LMBR1: variants seen among roughly 807,000 people sequenced by gnomAD.
LMBR1 encodes the protein limb development membrane protein 1, also known as limb region 1 protein homolog.
Under a neutral mutation model 73.9 loss-of-function variants are expected in LMBR1, and 52 were observed. The ratio of observed to expected loss-of-function variants is 0.70; its 90% CI spans 0.56 to 0.89. The LOEUF (loss-of-function observed/expected upper bound fraction) is 0.89. Ranked by LOEUF, LMBR1 falls within the 40% of genes least tolerant of loss-of-function variation. LMBR1 has a pLI of 0.00. For synonymous variants in LMBR1, 215 were observed against 209.4 expected (o/e 1.03, Z -0.23); for missense variants, 539 against 579.8 (o/e 0.93, Z 0.72).
At chr7:156,805,506 G>A (rs571712588) in intron 4 of LMBR1, among the ~76,000 whole-genome samples, 6 of 152,240 alleles carry the variant, frequency 3.9e-5, no homozygotes, top group South Asian at 2.1e-4. Flanking sequence ...ATAAGCCACC[G>A]TGCCCAGCCA....
chr7:156,781,573 A>G (rs1357997878), intron 5 of LMBR1, among the ~76,000 whole-genome samples: 2 of 152,180 alleles, frequency 1.3e-5, no homozygotes, highest in Admixed American at 6.6e-5. Flanking sequence ...TTTATGTATC[A>G]GCCTCTGTTT....
Position 156,682,027 on chromosome 7 carries a change from TG to T in LMBR1, c.*2050del, listed in dbSNP as rs1296283446. ...CAGCCCAAGGCTGTAACAATCTATT[TG>T]TTCTCAAGGCATATGAGTCCCAGGT... is the stretch of plus-strand genomic sequence containing the variant. On this transcript the variant is annotated 3_prime_UTR_variant, in exon 17 of 17. Transcript: ENST00000353442. 2 of 152,262 alleles carry T rather than the reference TG, an allele frequency of 1.3e-5. No individual in the cohort carries two copies. The highest frequency in any genetic ancestry group is 2.9e-5 in the Non-Finnish European group (2 of 68,062). The allele number at this position is 152,262 out of a possible 1,614,324, so 9.4% of individuals were successfully genotyped here. A position where few individuals can be genotyped will look rare whatever the true frequency, so the allele number is the denominator to read the frequency against.
In LMBR1 at chr7:156,756,415, T is replaced by A. The variant is rs757169155; in HGVS notation, c.735A>T (p.Glu245Asp). The A allele has an allele frequency of 1.3e-6, 2 of 1,501,022 alleles. No individual in the cohort carries two copies. The highest frequency in any genetic ancestry group is 9.2e-7 in the Non-Finnish European group (1 of 1,085,020). The allele number at this position is 1,501,022 out of a possible 1,614,324, so 93.0% of individuals were successfully genotyped here. The change falls in exon 9 of 17, where the codon GAA becomes GAT. Residue 245 changes from glutamate (E) to aspartate (D), a missense_variant. Glu to Asp is a conservative substitution (Grantham distance 45). Coordinates refer to ENST00000353442, the MANE Select transcript of LMBR1 (RefSeq NM_022458.4). ...TACCATTTAGTCGTCTCTGGAGTGC[T>A]TCTTCCTCTAAGGTAATGATATAAA... is the stretch of plus-strand genomic sequence containing the variant. Reference protein sequence around the residue: ...EQIYIITLEEEALQRRLNGLS... With the variant: ...EQIYIITLEEDALQRRLNGLS...
rs558060404 is a variant in LMBR1 at position 156,816,602 on chromosome 7, T to C, written c.319+10003A>G. Among the ~76,000 whole-genome samples the C allele has an allele frequency of 3.3e-5, 5 of 152,310 alleles. No individual in the cohort carries two copies. The South Asian group carries it at 1.0e-3, about 32-fold the overall frequency. On this transcript the variant is annotated intron_variant, in intron 4 of 16. Coordinates refer to ENST00000353442, the MANE Select transcript of LMBR1 (RefSeq NM_022458.4). ...AATTAAATGCAAAATAATAAGTTTATTAGCCAGAATAAATAAATGTGAAAA... is the reference window on the plus strand; with the variant it reads ...AATTAAATGCAAAATAATAAGTTTACTAGCCAGAATAAATAAATGTGAAAA...
rs539763284 is a variant in LMBR1 at position 156,726,850 on chromosome 7, T to G, written c.994-1013A>C. Among the ~76,000 whole-genome samples, 18 of 151,972 alleles carry G rather than the reference T, an allele frequency of 1.2e-4. No individual in the cohort carries two copies. In the South Asian group the frequency reaches 2.9e-3, roughly 25 times the overall value. ...GCAACCCACCCAGAGGAGAAGCACA[T>G]GTTTATCTCCGGAGACACGAGGACA... On this transcript the variant is annotated intron_variant, in intron 12 of 16. Transcript: ENST00000353442.
intron 15 of LMBR1, among the ~76,000 whole-genome samples, chr7:156,700,666 C>T (rs770448882): frequency 2.6e-5 from 4 of 152,164 alleles, no homozygotes; most frequent in Non-Finnish European, 4.4e-5. Flanking sequence ...TGGGCAAAGC[C>T]ATTCAACAAG....
chr7:156,754,134 T>C (rs1821421053), intron 9 of LMBR1, among the ~76,000 whole-genome samples: 1 of 152,208 alleles, frequency 6.6e-6, no homozygotes, highest in African/African-American at 2.4e-5. Context: ...CCAATTAACA[T>C]TATCACAGCA....
At chr7:156,743,331 T>C (rs1819253602) in intron 9 of LMBR1, among the ~76,000 whole-genome samples, 1 of 152,172 alleles carries the variant, frequency 6.6e-6, no homozygotes, top group Non-Finnish European at 1.5e-5. Context: ...TTATTGTGAT[T>C]TTCTCCTCTC....
chr7:156,860,799 G>A (rs1797615745), intron 1 of LMBR1, among the ~76,000 whole-genome samples: 1 of 152,248 alleles, frequency 6.6e-6, no homozygotes, highest in African/African-American at 2.4e-5. Flanking sequence ...CAGTGGGGCA[G>A]TCAAATCTTA....
chr7:156,828,689 T>C (rs932185068), intron 3 of LMBR1, among the ~76,000 whole-genome samples: 1 of 152,188 alleles, frequency 6.6e-6, no homozygotes, highest in East Asian at 1.9e-4. Flanking sequence ...CTTAAATCAC[T>C]TTAACACTCC....
At chr7:156,724,764 CTGTGTGTGTGTG>C (rs71189961) in intron 14 of LMBR1, among the ~76,000 whole-genome samples, 2,807 of 146,534 alleles carry the variant, frequency 0.019, 39 homozygotes, top group East Asian at 0.033. Context: ...AAAGAAATAG[CTGTGTGTGTGTG>C]TGTGTGTGTG....
chr7:156,689,842 AT>A (rs1563139396), intron 15 of LMBR1, among the ~76,000 whole-genome samples: 1 of 152,220 alleles, frequency 6.6e-6, no homozygotes, highest in Admixed American at 6.5e-5. Context: ...ATATCTAATT[AT>A]AAGTTTTATT....
chr7:156,731,957 T>A (rs1451172580), intron 10 of LMBR1, among the ~76,000 whole-genome samples: 1 of 150,986 alleles, frequency 6.6e-6, no homozygotes, highest in African/African-American at 2.4e-5. Flanking sequence ...AAGAGTTACA[T>A]ACCAGAATGA....
At chr7:156,743,168 C>T (rs895486645) in intron 9 of LMBR1, among the ~76,000 whole-genome samples, 2 of 152,092 alleles carry the variant, frequency 1.3e-5, no homozygotes, top group Non-Finnish European at 2.9e-5. Context: ...CACTCTACTT[C>T]GTCTGGTGGT....
intron 1 of LMBR1, among the ~76,000 whole-genome samples, chr7:156,868,318 C>G (rs868008073): frequency 4.1e-4 from 62 of 151,938 alleles, no homozygotes; most frequent in African/African-American, 1.4e-3. Flanking sequence ...CTTAGCTTCC[C>G]AAGTAGCTGG....
At chr7:156,755,084 A>G (rs1821601468) in intron 9 of LMBR1, among the ~76,000 whole-genome samples, 1 of 152,234 alleles carries the variant, frequency 6.6e-6, no homozygotes, top group Non-Finnish European at 1.5e-5. Flanking sequence ...AGCATTAGTT[A>G]TCATAACATC....
intron 1 of LMBR1, among the ~76,000 whole-genome samples, chr7:156,866,830 C>A (rs931688356): frequency 1.3e-5 from 2 of 152,130 alleles, no homozygotes; most frequent in Admixed American, 6.6e-5. Flanking sequence ...TCTGGAACTC[C>A]TGACCTCATG....
chr7:156,790,569 C>G (rs1421454764), intron 5 of LMBR1, among the ~76,000 whole-genome samples: 1 of 151,830 alleles, frequency 6.6e-6, no homozygotes, highest in African/African-American at 2.4e-5. Flanking sequence ...GATGAACATA[C>G]TATATAGGGT....
chr7:156,695,630 C>A (rs560386635), intron 15 of LMBR1, among the ~76,000 whole-genome samples: 1 of 152,238 alleles, frequency 6.6e-6, no homozygotes, highest in Non-Finnish European at 1.5e-5. Context: ...TGGTGTTAAA[C>A]CATGAGAAAC....
Sources: allele counts gnomAD v4.1 joint callset (sites outside exome capture counted in the v4.1 genomes callset), GRCh38; gene constraint gnomAD v4.1.1; transcripts MANE v1.5; gene names NCBI Gene and HGNC (gene_info 2026-07-23, HGNC 2026-07-21).